ITGA8: variants seen among roughly 807,000 people sequenced by gnomAD.
ITGA8 encodes the protein integrin alpha-8.
Under a neutral mutation model 142.3 loss-of-function variants are expected in ITGA8, and 91 were observed. That is an observed-to-expected ratio of 0.64 (90% CI 0.54 to 0.76). ITGA8 has a LOEUF of 0.76. Among genes scored for constraint, ITGA8 ranks in the 30% least tolerant of loss-of-function variants. The pLI is 0.00. For synonymous variants in ITGA8, 505 were observed against 485.2 expected (o/e 1.04, Z -0.54); for missense variants, 1,406 against 1,327.7 (o/e 1.06, Z -0.92).
intron 20 of ITGA8, among the ~76,000 whole-genome samples, chr10:15,601,676 A>G (rs2131605202): frequency 6.6e-6 from 1 of 152,328 alleles, no homozygotes; most frequent in South Asian, 2.1e-4. Flanking sequence ...AAATCACCAA[A>G]AGGAAATATA....
Position 15,597,286 on chromosome 10 carries a change from A to G in ITGA8, c.2132T>C (p.Leu711Pro). 1 of 1,613,946 alleles carries G rather than the reference A, an allele frequency of 6.2e-7. No homozygotes were observed. Among genetic ancestry groups the G allele is most frequent in the Non-Finnish European group, 8.5e-7 (1 of 1,179,842 alleles). ...ATTTTCCATCTTGTACTCACAGCTC[A>G]GTGGTCGAAATCCCTACAATTGCAA... ...IERNNKGFRP[L>P]SCEYKMENVT... Residue 711 changes from leucine (L) to proline (P), a missense_variant, in exon 21 of 30, where the codon CTG becomes CCG. Leu to Pro is a moderately conservative substitution (Grantham distance 98, BLOSUM62 -3). Transcript: ENST00000378076.
intron 28 of ITGA8, among the ~76,000 whole-genome samples, chr10:15,526,215 C>T (rs527984390): frequency 1.1e-3 from 172 of 150,672 alleles, no homozygotes; most frequent in Admixed American, 1.8e-3. Context: ...GTGCTGTTAT[C>T]GCCCAGGCTG....
rs186144644 is a variant in ITGA8 at position 15,637,483 on chromosome 10, C to T, written c.1399+6547G>A. Among the ~76,000 whole-genome samples, 634 of 151,736 alleles carry T rather than the reference C, an allele frequency of 4.2e-3. 3 individuals carry two copies. Among genetic ancestry groups the T allele is most frequent in the African/African-American group, 0.014 (597 of 41,408 alleles). ...CTCAGGTAATCCGATTTTCCTTCCC[C>T]TGTTCTCACAGACTCTTTAAATTTT... On this transcript the variant is annotated intron_variant, in intron 13 of 29. Coordinates refer to ENST00000378076, the MANE Select transcript of ITGA8 (RefSeq NM_003638.3).
intron 8 of ITGA8, among the ~76,000 whole-genome samples, chr10:15,663,270 C>G (rs1352769052): frequency 6.6e-6 from 1 of 152,150 alleles, no homozygotes; most frequent in Non-Finnish European, 1.5e-5. Flanking sequence ...CCTCAAAACA[C>G]TTAAAACACA....
At chr10:15,641,320 C>A (rs543342241) in intron 13 of ITGA8, among the ~76,000 whole-genome samples, 1 of 152,268 alleles carries the variant, frequency 6.6e-6, no homozygotes, top group Non-Finnish European at 1.5e-5. Context: ...GAAATGGAGG[C>A]TTTGAAAGCT....
At chr10:15,548,825 T>G (rs1271867308) in intron 26 of ITGA8, among the ~76,000 whole-genome samples, 3 of 152,250 alleles carry the variant, frequency 2.0e-5, no homozygotes, top group Non-Finnish European at 2.9e-5. Flanking sequence ...AGCAATTTAA[T>G]TGTTCTGTTT....
chr10:15,557,547 C>T (rs1055800605), intron 26 of ITGA8, among the ~76,000 whole-genome samples: 50 of 152,260 alleles, frequency 3.3e-4, no homozygotes, highest in African/African-American at 1.2e-3. Flanking sequence ...GAGGCTGGGT[C>T]TTGCTATGTT....
chr10:15,684,274 A>G (rs994808984), intron 3 of ITGA8, 147 bp from the exon 4 acceptor site: 6 of 728,680 alleles, frequency 8.2e-6, no homozygotes, highest in Middle Eastern at 4.0e-4. Flanking sequence ...TGGTCATCAG[A>G]GGTAATTAAA....
rs1834090787 is a variant in ITGA8 at position 15,566,905 on chromosome 10, G to A, written c.2637+5306C>T. Among the ~76,000 whole-genome samples the A allele has an allele frequency of 2.2e-5, 3 of 139,248 alleles. No homozygotes were observed. In the South Asian group the frequency reaches 8.1e-4, roughly 37 times the overall value. The allele number at this position is 139,248 out of a possible 152,430, so 91.4% of individuals were successfully genotyped here. A position where few individuals can be genotyped will look rare whatever the true frequency, so the allele number is the denominator to read the frequency against. On this transcript the variant is annotated intron_variant, in intron 25 of 29. Coordinates refer to ENST00000378076, the MANE Select transcript of ITGA8 (RefSeq NM_003638.3). ...AGGAGTGCTGGGATTACAGGAGTGA[G>A]CCACTGCACCCGGCCTCTGAGGAGG...
At chr10:15,518,740 G>C (rs1833006442) in intron 29 of ITGA8, among the ~76,000 whole-genome samples, 1 of 152,156 alleles carries the variant, frequency 6.6e-6, no homozygotes, top group Non-Finnish European at 1.5e-5. Context: ...CTAAGTTCAG[G>C]CTTCCCAGTG....
intron 27 of ITGA8, among the ~76,000 whole-genome samples, chr10:15,535,905 C>T (rs149407318): frequency 9.9e-5 from 15 of 151,994 alleles, no homozygotes; most frequent in African/African-American, 2.9e-4. Context: ...CCTCGAAGGT[C>T]TGCAGCTTCA....
intron 26 of ITGA8, among the ~76,000 whole-genome samples, chr10:15,555,668 G>T (rs1833872961): frequency 6.6e-6 from 1 of 150,978 alleles, no homozygotes; most frequent in South Asian, 2.1e-4. Flanking sequence ...ACCCTCCTTG[G>T]TTCAGTCTCT....
At chr10:15,681,819 G>A (rs1007073566) in intron 4 of ITGA8, among the ~76,000 whole-genome samples, 19 of 152,102 alleles carry the variant, frequency 1.2e-4, no homozygotes, top group African/African-American at 3.6e-4. Flanking sequence ...CAGGAACATG[G>A]GCAAATCATG....
intron 20 of ITGA8, among the ~76,000 whole-genome samples, chr10:15,603,367 A>G (rs931352452): frequency 4.6e-5 from 7 of 152,210 alleles, no homozygotes; most frequent in Non-Finnish European, 1.0e-4. Context: ...CATTTAATAC[A>G]TTTAAGCTAA....
chr10:15,655,203 G>T (rs1320169789), intron 11 of ITGA8, 151 bp downstream of exon 11: 2 of 491,304 alleles, frequency 4.1e-6, no homozygotes, highest in Non-Finnish European at 7.2e-6. Flanking sequence ...TTTAATAGAT[G>T]CATCTTCTTG....
intron 22 of ITGA8, 49 bp from the exon 23 acceptor site, chr10:15,586,713 T>C (rs370015566): frequency 9.7e-5 from 102 of 1,048,258 alleles, no homozygotes; most frequent in Non-Finnish European, 1.5e-4. Flanking sequence ...AGGAGTATTA[T>C]TACAATATAT....
intron 28 of ITGA8, among the ~76,000 whole-genome samples, chr10:15,520,572 G>A (rs1365144282): frequency 2.6e-5 from 4 of 152,246 alleles, no homozygotes; most frequent in Non-Finnish European, 4.4e-5. Context: ...GTGGGCAGAA[G>A]CACTTCTATT....
At chr10:15,593,049 G>A (rs866801170) in intron 21 of ITGA8, among the ~76,000 whole-genome samples, 4 of 152,202 alleles carry the variant, frequency 2.6e-5, no homozygotes, top group South Asian at 2.1e-4. Flanking sequence ...TGCAATGCAC[G>A]TCAGCTATGG....
chr10:15,532,374 G>A (rs1412152896), intron 27 of ITGA8, among the ~76,000 whole-genome samples: 8 of 128,654 alleles, frequency 6.2e-5, no homozygotes, highest in Non-Finnish European at 9.3e-5. Context: ...AGCCGAGATC[G>A]TGCCACTGCC....
Sources: allele counts gnomAD v4.1 joint callset (sites outside exome capture counted in the v4.1 genomes callset), GRCh38; gene constraint gnomAD v4.1.1; transcripts MANE v1.5; gene names NCBI Gene and HGNC (gene_info 2026-07-23, HGNC 2026-07-21).